The following SLC26A8 variants were observed in gnomAD, a reference collection of about 807,000 sequenced individuals.
The protein encoded by SLC26A8 is solute carrier family 26 member 8.
SLC26A8 carries 70 observed loss-of-function variants against 105.0 expected under a neutral mutation model. The observed-to-expected ratio is 0.67, with a 90% CI of 0.55 to 0.81. The LOEUF is 0.81. Ranked by LOEUF, SLC26A8 falls within the 40% of genes least tolerant of loss-of-function variation. SLC26A8 has a pLI of 0.00. For missense variants in SLC26A8, 998 were observed against 1,181.8 expected, an observed-to-expected ratio of 0.84 and a Z score of 2.28; for synonymous variants, 415 against 438.3, an observed-to-expected ratio of 0.95 and a Z score of 0.66.
intron 6 of SLC26A8, among the ~76,000 whole-genome samples, chr6:35,992,050 T>C (rs1028713876): frequency 2.6e-5 from 4 of 152,190 alleles, no homozygotes; most frequent in Admixed American, 2.0e-4. Context: ...TTTAGTATAA[T>C]GAACAGGCCC....
At chr6:36,004,367 C>T (rs1217202651) in intron 3 of SLC26A8, among the ~76,000 whole-genome samples, 2 of 152,176 alleles carry the variant, frequency 1.3e-5, no homozygotes, top group Admixed American at 6.5e-5. Context: ...TGAGCCATTG[C>T]ACCTAAGCAT....
chr6:35,966,384 C>G (rs1310574564), intron 11 of SLC26A8, among the ~76,000 whole-genome samples: 1 of 152,106 alleles, frequency 6.6e-6, no homozygotes, highest in Non-Finnish European at 1.5e-5. Context: ...TGACTTGAGG[C>G]AGGGAGTATG....
intron 3 of SLC26A8, among the ~76,000 whole-genome samples, chr6:36,003,323 G>T (rs1045331561): frequency 3.9e-5 from 6 of 152,140 alleles, no homozygotes; most frequent in African/African-American, 1.4e-4. Flanking sequence ...TCTCTGTAGT[G>T]ACATATCTGA....
Position 35,959,909 on chromosome 6 carries a change from T to A in SLC26A8, c.1639-103A>T, listed in dbSNP as rs183173258. On this transcript the variant is annotated intron_variant, in intron 14 of 19. Coordinates refer to ENST00000490799, the MANE Select transcript of SLC26A8 (RefSeq NM_052961.4). ...CTAGAGAGTCTGTATTCTTCTTTTT[T>A]ATTTTTTTATTTTTTTTGAGACAGA... 553 of 922,414 alleles carry A rather than the reference T, an allele frequency of 6.0e-4. 5 individuals are homozygous for A. In the African/African-American group the frequency reaches 8.8e-3, roughly 15 times the overall value. 57.1% of individuals were successfully genotyped at this position (922,414 alleles called of 1,614,324 possible).
Position 35,943,556 on chromosome 6 carries a change from G to C in SLC26A8, c.*344C>G, listed in dbSNP as rs930416998. On this transcript the variant is annotated 3_prime_UTR_variant, in exon 20 of 20. Coordinates refer to ENST00000490799, the MANE Select transcript of SLC26A8 (RefSeq NM_052961.4). ...ATTTTATTTGAGCTTCATCTCTTTGGAGAAAGGGGAACAGGGATGAGAGGA... is the reference window on the plus strand; with the variant it reads ...ATTTTATTTGAGCTTCATCTCTTTGCAGAAAGGGGAACAGGGATGAGAGGA... 1.3e-5 allele frequency: 3 copies of C among 231,426 alleles called. No individual in the cohort carries two copies. The highest frequency in any genetic ancestry group is 6.6e-5 in the African/African-American group (3 of 45,234). 14.3% of individuals were successfully genotyped at this position (231,426 alleles called of 1,614,324 possible).
At chr6:35,994,646 G>C (rs934269759) in intron 5 of SLC26A8, among the ~76,000 whole-genome samples, 5 of 149,770 alleles carry the variant, frequency 3.3e-5, no homozygotes, top group Non-Finnish European at 4.4e-5. Context: ...TACAATCTTG[G>C]CTCACTGCAA....
chr6:36,023,896 C>T (rs940186663), intron 1 of SLC26A8, among the ~76,000 whole-genome samples: 3 of 152,166 alleles, frequency 2.0e-5, no homozygotes, highest in Non-Finnish European at 4.4e-5. Flanking sequence ...AGTAAGATGA[C>T]AGTCCTTAAG....
In SLC26A8 at chr6:35,975,569, T is replaced by C. The variant is rs188376890; in HGVS notation, c.1174-81A>G. The stretch of plus-strand genomic sequence containing the variant: ...TTGAGTTGAAGGCATATGGTTTTTT[T>C]TTTTTATATGAAGATAGGGTTGTTT... On this transcript the variant is annotated intron_variant, in intron 9 of 19. Transcript: ENST00000490799. 3.8e-5 allele frequency: 28 copies of C among 736,648 alleles called. No individual in the cohort carries two copies. The Admixed American group carries it at 5.2e-4, about 14-fold the overall frequency. The allele number at this position is 736,648 out of a possible 1,614,324, so 45.6% of individuals were successfully genotyped here.
At chr6:35,994,388 A>G (rs1761287719) in intron 5 of SLC26A8, among the ~76,000 whole-genome samples, 3 of 152,096 alleles carry the variant, frequency 2.0e-5, no homozygotes, top group Non-Finnish European at 4.4e-5. Context: ...TGCTGGGATT[A>G]CAGGCGTGAG....
intron 8 of SLC26A8, among the ~76,000 whole-genome samples, chr6:35,980,937 G>A (rs766638900): frequency 1.3e-5 from 2 of 152,052 alleles, no homozygotes; most frequent in Non-Finnish European, 2.9e-5. Context: ...ACTTGAACCC[G>A]GGAGGTGGAG....
rs538754834 is a variant in SLC26A8, at chr6:36,001,289, C to T, written c.329-1181G>A. Among the ~76,000 whole-genome samples, 23 of 152,198 alleles carry T rather than the reference C, an allele frequency of 1.5e-4. No homozygotes were observed. In the South Asian group the frequency reaches 3.9e-3, roughly 26 times the overall value. ...AACTACAGGCGCCCACCACCATGCC[C>T]GGCTAATTTTTTATATTTTTAGTAG... is the stretch of plus-strand genomic sequence containing the variant. On this transcript the variant is annotated intron_variant, in intron 3 of 19. Coordinates refer to ENST00000490799, the MANE Select transcript of SLC26A8 (RefSeq NM_052961.4).
intron 1 of SLC26A8, among the ~76,000 whole-genome samples, chr6:36,021,658 T>C (rs1456674868): frequency 6.6e-6 from 1 of 152,226 alleles, no homozygotes; most frequent in Non-Finnish European, 1.5e-5. Flanking sequence ...GGGCCCGGAA[T>C]GGCTTAGATC....
rs1328539242 is a variant in SLC26A8, at chr6:36,024,595, G to C, written c.-94C>G. On this transcript the variant is annotated 5_prime_UTR_variant, in exon 1 of 20. Coordinates refer to ENST00000490799, the MANE Select transcript of SLC26A8 (RefSeq NM_052961.4). The stretch of plus-strand genomic sequence containing the variant: ...CGCTGCGGACGCGGATACCGGCGGC[G>C]GTTCCCGAGCCGTTGTGGCCTAGCC... 3 of 371,462 alleles carry C rather than the reference G, an allele frequency of 8.1e-6. No homozygotes were observed. The highest frequency in any genetic ancestry group is 4.3e-5 in the African/African-American group (2 of 46,604). The allele number at this position is 371,462 out of a possible 1,614,324, so 23.0% of individuals were successfully genotyped here.
At chr6:35,974,708 A>T (rs1772927315) in intron 10 of SLC26A8, among the ~76,000 whole-genome samples, 1 of 152,118 alleles carries the variant, frequency 6.6e-6, no homozygotes, top group African/African-American at 2.4e-5. Flanking sequence ...AAGCATTAGC[A>T]GATGATGGTA....
In SLC26A8 at chr6:35,960,887, T is replaced by C. The variant is rs766944428; in HGVS notation, c.1594A>G (p.Ile532Val). 2.9e-5 allele frequency: 47 copies of C among 1,613,978 alleles called. No homozygotes were observed. The South Asian group carries it at 4.9e-4, about 17-fold the overall frequency. Reference protein sequence around the residue: ...HRAKILLLGQIPNTNIYRSIN... With the variant: ...HRAKILLLGQVPNTNIYRSIN... ...CTTCTATAAATGTTGGTGTTAGGGA[T>C]TTGACCCAGGAGAAGAATCTTAGCT... Residue 532 changes from isoleucine (I) to valine (V), a missense_variant, in exon 14 of 20, where the codon ATC becomes GTC. Ile to Val is a conservative substitution (Grantham distance 29). Transcript: ENST00000490799.
At chr6:35,991,530 G>A (rs1761158918) in intron 7 of SLC26A8, 129 bp downstream of exon 7, 5 of 615,340 alleles carry the variant, frequency 8.1e-6, no homozygotes, top group Admixed American at 4.2e-5. Context: ...AAGAAAACAA[G>A]CATGTTTTCA....
intron 10 of SLC26A8, among the ~76,000 whole-genome samples, chr6:35,974,959 T>C (rs748623865): frequency 6.6e-6 from 1 of 151,882 alleles, no homozygotes; most frequent in Admixed American, 6.6e-5. Context: ...GGTTTTACCA[T>C]GTTAGCCAGG....
In SLC26A8 at chr6:35,991,673, T is replaced by A; in HGVS notation, c.928A>T (p.Met310Leu). 1.3e-6 allele frequency: 2 copies of A among 1,570,758 alleles called. No homozygotes were observed. The highest frequency in any genetic ancestry group is 1.7e-6 in the Non-Finnish European group (2 of 1,162,182). The change falls in exon 7 of 20, where the codon ATG (methionine) becomes TTG (leucine). Residue 310 changes from methionine (M) to leucine (L), a missense_variant. Met to Leu is a conservative substitution (Grantham distance 15). Coordinates refer to ENST00000490799, the MANE Select transcript of SLC26A8 (RefSeq NM_052961.4). ...SFNQYPIEFP[M>L]ELFLIIGFTV... The stretch of plus-strand genomic sequence containing the variant: ...AAAACACCTACCAGAAATAATTCCA[T>A]GGGAAACTCAATGGGATACTGATTG...
intron 16 of SLC26A8, 126 bp downstream of exon 16, chr6:35,959,334 G>C: frequency 3.8e-6 from 4 of 1,042,412 alleles, no homozygotes; most frequent in Non-Finnish European, 4.0e-6. Flanking sequence ...CTTAATTTCT[G>C]AATTCTTCAT....
Sources: allele counts gnomAD v4.1 joint callset (sites outside exome capture counted in the v4.1 genomes callset), GRCh38; gene constraint gnomAD v4.1.1; transcripts MANE v1.5; gene names NCBI Gene and HGNC (gene_info 2026-07-23, HGNC 2026-07-21).